CACNA1E: variants seen among roughly 807,000 people sequenced by gnomAD.
CACNA1E encodes the protein calcium voltage-gated channel subunit alpha1 E.
In CACNA1E, 40 loss-of-function variants were observed where a neutral mutation model predicts 259.2. The ratio of observed to expected loss-of-function variants is 0.15; its 90% confidence interval spans 0.12 to 0.20. The LOEUF (loss-of-function observed/expected upper bound fraction) is 0.20. Ranked by LOEUF, CACNA1E falls within the 10% of genes least tolerant of loss-of-function variation. The pLI, the probability that CACNA1E is intolerant of heterozygous loss-of-function variation, is 1.00. For missense variants in CACNA1E, 1,874 were observed against 3,040.1 expected (o/e 0.62, Z 9.02); for synonymous variants, 1,104 against 1,138.5 (o/e 0.97, Z 0.61).
intron 6 of CACNA1E, among the ~76,000 whole-genome samples, chr1:181,612,609 T>G (rs1285077344): frequency 6.6e-6 from 1 of 152,192 alleles, no homozygotes; most frequent in Non-Finnish European, 1.5e-5. Flanking sequence ...TAGTCCTTGA[T>G]GCCATTCCTT....
At chr1:181,723,425 G>T (rs1303855907) in intron 16 of CACNA1E, among the ~76,000 whole-genome samples, 1 of 152,156 alleles carries the variant, frequency 6.6e-6, no homozygotes, top group African/African-American at 2.4e-5. Context: ...TGCTTTTTCT[G>T]TTCCCTTACT....
At chr1:181,324,619 T>A (rs1650628307) in intron 1 of CACNA1E, among the ~76,000 whole-genome samples, 1 of 151,840 alleles carries the variant, frequency 6.6e-6, no homozygotes, top group Non-Finnish European at 1.5e-5. Flanking sequence ...AAATCGGGAG[T>A]TCAAAGGAAA....
intron 1 of CACNA1E, among the ~76,000 whole-genome samples, chr1:181,399,463 G>A (rs1461998672): frequency 2.0e-5 from 3 of 152,186 alleles, no homozygotes; most frequent in Non-Finnish European, 4.4e-5. Flanking sequence ...TTTCTGTGTT[G>A]ACACACATTG....
intron 6 of CACNA1E, among the ~76,000 whole-genome samples, chr1:181,596,968 A>G (rs1653237891): frequency 1.3e-5 from 2 of 151,992 alleles, no homozygotes; most frequent in African/African-American, 2.4e-5. Flanking sequence ...GATGTGGAGG[A>G]GAAGGGGCTG....
intron 16 of CACNA1E, among the ~76,000 whole-genome samples, chr1:181,724,059 G>T (rs1471619257): frequency 6.6e-6 from 1 of 152,160 alleles, no homozygotes; most frequent in Non-Finnish European, 1.5e-5. Context: ...CCTTGGTTTG[G>T]TGACCAGCCC....
Position 181,624,304 on chromosome 1 carries a change from T to A in CACNA1E, c.952-27034T>A, listed in dbSNP as rs186468173. Among the ~76,000 whole-genome samples the A allele has an allele frequency of 9.2e-5, 14 of 152,270 alleles. No individual in the cohort carries two copies. The East Asian group carries it at 2.7e-3, about 29-fold the overall frequency. ...GATTTGGAGGGTCAAATTTCCAAAC[T>A]ATAGCAATAAGAGAAGAATGATGCT... On this transcript the variant is annotated intron_variant, in intron 6 of 47. Coordinates refer to ENST00000367573, the MANE Select transcript of CACNA1E (RefSeq NM_001205293.3).
chr1:181,723,093 T>C (rs1654557860), intron 16 of CACNA1E, among the ~76,000 whole-genome samples: 1 of 152,220 alleles, frequency 6.6e-6, no homozygotes, highest in South Asian at 2.1e-4. Context: ...GTGAATCATG[T>C]CTGCTGTGTC....
chr1:181,443,137 A>G (rs1157820761), intron 2 of CACNA1E, among the ~76,000 whole-genome samples: 2 of 152,056 alleles, frequency 1.3e-5, no homozygotes, highest in African/African-American at 4.8e-5. Context: ...ACTTTTTTAT[A>G]CTCAATTTCT....
At chr1:181,476,755 GT>G in intron 2 of CACNA1E, among the ~76,000 whole-genome samples, 1 of 152,340 alleles carries the variant, frequency 6.6e-6, no homozygotes, top group Non-Finnish European at 1.5e-5. Context: ...GGCCGTGGGG[GT>G]GGATGGATGG....
At chr1:181,551,322 G>A (rs1349129262) in intron 3 of CACNA1E, among the ~76,000 whole-genome samples, 2 of 152,196 alleles carry the variant, frequency 1.3e-5, no homozygotes, top group Non-Finnish European at 2.9e-5. Flanking sequence ...GCCTCGCCTA[G>A]GCAGTCAGAC....
At chr1:181,612,593 A>G (rs1188742107) in intron 6 of CACNA1E, among the ~76,000 whole-genome samples, 1 of 152,204 alleles carries the variant, frequency 6.6e-6, no homozygotes, top group Non-Finnish European at 1.5e-5. Flanking sequence ...TCTGGCCTGT[A>G]GGCAATAGTC....
At chr1:181,322,119 T>C (rs1350110918) in intron 1 of CACNA1E, among the ~76,000 whole-genome samples, 2 of 152,076 alleles carry the variant, frequency 1.3e-5, no homozygotes, top group African/African-American at 4.8e-5. Flanking sequence ...CTCAGCCCAG[T>C]TCTGGTCTGG....
chr1:181,553,319 A>G (rs985107173), intron 3 of CACNA1E, among the ~76,000 whole-genome samples: 2 of 152,064 alleles, frequency 1.3e-5, no homozygotes, highest in Admixed American at 6.5e-5. Context: ...TTATTGGTGT[A>G]TAGGAATGCT....
At chr1:181,343,920 G>A (rs922450433) in intron 1 of CACNA1E, among the ~76,000 whole-genome samples, 4 of 152,062 alleles carry the variant, frequency 2.6e-5, no homozygotes, top group Non-Finnish European at 5.9e-5. Flanking sequence ...TCCCCTCCCT[G>A]GCTATATAAA....
chr1:181,733,138 T>C (rs1338899843), intron 20 of CACNA1E, 104 bp downstream of exon 20: 2 of 1,395,964 alleles, frequency 1.4e-6, no homozygotes, highest in African/African-American at 2.9e-5. Flanking sequence ...TATTATAAAA[T>C]GGAAATGATG....
At chr1:181,602,082 C>G (rs994571059) in intron 6 of CACNA1E, among the ~76,000 whole-genome samples, 12 of 152,210 alleles carry the variant, frequency 7.9e-5, no homozygotes, top group Non-Finnish European at 1.6e-4. Context: ...TATTTAAAAT[C>G]AAACCTCCTC....
intron 3 of CACNA1E, among the ~76,000 whole-genome samples, chr1:181,558,397 A>T (rs1253763040): frequency 6.6e-6 from 1 of 152,228 alleles, no homozygotes; most frequent in Non-Finnish European, 1.5e-5. Flanking sequence ...GAAAGGCAGC[A>T]CAGGCTTTGC....
intron 7 of CACNA1E, among the ~76,000 whole-genome samples, chr1:181,693,425 T>C (rs1480652378): frequency 6.6e-6 from 1 of 152,090 alleles, no homozygotes; most frequent in African/African-American, 2.4e-5. Flanking sequence ...CAATGGTGGA[T>C]TGGATAAAGA....
At chr1:181,547,689 A>AT (rs1455525211) in intron 3 of CACNA1E, among the ~76,000 whole-genome samples, 1 of 152,222 alleles carries the variant, frequency 6.6e-6, no homozygotes, top group Non-Finnish European at 1.5e-5. Flanking sequence ...AGCGGCGGAG[A>AT]TGCAGTGGGA....
Sources: gnomAD v4.1 joint callset for allele counts (sites outside exome capture counted in the v4.1 genomes callset) on GRCh38, gnomAD v4.1.1 for gene constraint, MANE v1.5 for transcripts, NCBI Gene and HGNC (gene_info 2026-07-23, HGNC 2026-07-21) for gene names.